GAK: variants seen among roughly 807,000 people sequenced by gnomAD.
GAK encodes the protein cyclin G associated kinase.
In GAK, 79 loss-of-function variants were observed where a neutral mutation model predicts 143.9. The observed-to-expected ratio is 0.55, with a 90% CI of 0.46 to 0.66. The LOEUF (loss-of-function observed/expected upper bound fraction) is 0.66. Among genes scored for constraint, GAK ranks in the 30% least tolerant of loss-of-function variants. The pLI, the probability that GAK is intolerant of heterozygous loss-of-function variation, is 0.00. For synonymous variants in GAK, 881 were observed against 765.5 expected, an observed-to-expected ratio of 1.15 and a Z score of -2.49; for missense variants, 1,693 against 1,779.7, an observed-to-expected ratio of 0.95 and a Z score of 0.88.
chr4:908,416 G>A (rs10005752), intron 4 of GAK, among the ~76,000 whole-genome samples: 84,388 of 152,012 alleles, frequency 0.56, 23,919 homozygotes, highest in South Asian at 0.67. Context: ...CGATCCCAGC[G>A]CCTCAGGAGG....
rs530448560 is a variant in GAK, at chr4:884,268, G to A, written c.1206-182C>T. ...AGCTTCCCGGCTGTGTGCGTGCTGT[G>A]GAGCTGACCCCTACATCAGAAACGG... On this transcript the variant is annotated intron_variant, in intron 11 of 27. Coordinates refer to ENST00000314167, the MANE Select transcript of GAK (RefSeq NM_005255.4). 6.0e-4 allele frequency: 349 copies of A among 581,858 alleles called. 1 individual carries two copies. The South Asian group carries it at 6.9e-3, about 12-fold the overall frequency. The allele number at this position is 581,858 out of a possible 1,614,324, so 36.0% of individuals were successfully genotyped here. A position where few individuals can be genotyped will look rare whatever the true frequency, so the allele number is the denominator to read the frequency against.
At chr4:860,433 G>A (rs986963477) in intron 23 of GAK, among the ~76,000 whole-genome samples, 3 of 151,736 alleles carry the variant, frequency 2.0e-5, no homozygotes, top group African/African-American at 4.8e-5. Flanking sequence ...AAGAGCCCTC[G>A]TGGATCTATT....
At chr4:896,404 A>G in intron 7 of GAK, 56 bp downstream of exon 7, 1 of 1,449,138 alleles carries the variant, frequency 6.9e-7, no homozygotes, top group East Asian at 2.3e-5. Context: ...ACGCCGCCTC[A>G]GGTTAAGTAG....
intron 7 of GAK, among the ~76,000 whole-genome samples, chr4:895,702 G>A (rs2152871867): frequency 6.6e-6 from 1 of 152,366 alleles, no homozygotes; most frequent in East Asian, 1.9e-4. Flanking sequence ...CCCTCCACGC[G>A]TGGTCACCCT....
chr4:892,395 C>T (rs1717844111), intron 9 of GAK, among the ~76,000 whole-genome samples: 1 of 152,210 alleles, frequency 6.6e-6, no homozygotes, highest in African/African-American at 2.4e-5. Context: ...CCTCCCTGCT[C>T]CCCGTGGGTG....
At chr4:911,997 G>A (rs1470570688) in intron 3 of GAK, 5 of 514,882 alleles carry the variant, frequency 9.7e-6, no homozygotes, top group East Asian at 4.4e-5. Flanking sequence ...AGGAGAGGGC[G>A]GGGACAAAGG....
Position 898,162 on chromosome 4 carries a change from TA to T in GAK, c.526-5del, listed in dbSNP as rs1413164220. ...TACTAAGCAACAAGTTCTCAACCTG[TA>T]AAATTCCACAAGACAGCCCCGTGAA... On this transcript the variant is annotated splice_region_variant and splice_polypyrimidine_tract_variant and intron_variant, in intron 5 of 27. Transcript: ENST00000314167. 3 of 1,613,700 alleles carry T rather than the reference TA, an allele frequency of 1.9e-6. No individual in the cohort carries two copies. The highest frequency in any genetic ancestry group is 1.7e-5 in the Admixed American group (1 of 59,974).
At chr4:861,371 C>A (rs995635175) in intron 23 of GAK, among the ~76,000 whole-genome samples, 1 of 152,194 alleles carries the variant, frequency 6.6e-6, no homozygotes, top group Non-Finnish European at 1.5e-5. Flanking sequence ...AAGGAGGGTG[C>A]TTGAGCCCAG....
chr4:882,941 T>C, intron 13 of GAK, 122 bp from the exon 14 acceptor site: 18 of 1,278,908 alleles, frequency 1.4e-5, no homozygotes, highest in Non-Finnish European at 1.9e-5. Flanking sequence ...TGAACAGGCG[T>C]CCACCTGCGC....
At chr4:876,712 G>T in intron 17 of GAK, 103 bp from the exon 18 acceptor site, 1 of 999,124 alleles carries the variant, frequency 1.0e-6, no homozygotes, top group Non-Finnish European at 1.6e-6. Context: ...GCGGCTCATG[G>T]TGCTGGAGGC....
intron 27 of GAK, 59 bp from the exon 28 acceptor site, chr4:849,833 G>GGGCCCCCCCCCCCCC: frequency 4.2e-6 from 5 of 1,190,136 alleles, no homozygotes; most frequent in Non-Finnish European, 4.6e-6. Flanking sequence ...GGCGGGGCAG[G>GGGCCCCCCCCCCCCC]ACCCCCCCCC....
intron 15 of GAK, among the ~76,000 whole-genome samples, chr4:881,219 C>A (rs1223259115): frequency 6.6e-6 from 1 of 152,200 alleles, no homozygotes; most frequent in African/African-American, 2.4e-5. Flanking sequence ...GGCCACGGGG[C>A]CGGCCTTTGC....
chr4:866,994 CT>C lies in GAK; in HGVS notation c.2833del (p.Ser945AlafsTer46). On this transcript the variant is annotated frameshift_variant, in exon 21 of 28. Coordinates refer to ENST00000314167, the MANE Select transcript of GAK (RefSeq NM_005255.4). LOFTEE classifies it high-confidence loss of function. ...LLLASPAPPL[S>X]VQSTPRGGPP... ...CCCTCCTCTTGGGGTGCTCTGCACG[CT>C]CAGGGGAGGGGCCGGGCTTGCCAGG... 1 of 1,499,046 alleles carries C rather than the reference CT, an allele frequency of 6.7e-7. No individual in the cohort carries two copies. The highest frequency in any genetic ancestry group is 8.9e-7 in the Non-Finnish European group (1 of 1,124,396). 92.9% of individuals were successfully genotyped at this position (1,499,046 alleles called of 1,614,324 possible).
At position 924,535 on chromosome 4, in the gene GAK, A is replaced by G. The variant is rs1378155899; in HGVS notation, c.145+7508T>C. On this transcript the variant is annotated intron_variant, in intron 1 of 27. Coordinates refer to ENST00000314167, the MANE Select transcript of GAK (RefSeq NM_005255.4). ...TCGGCACCTTTATTCATAACAGCGGATACGGTTTGGATCTTTATTCATAAC... is the reference window on the plus strand; with the variant it reads ...TCGGCACCTTTATTCATAACAGCGGGTACGGTTTGGATCTTTATTCATAAC... 2.6e-5 allele frequency among the ~76,000 whole-genome samples: 4 copies of G among 152,254 alleles called. No individual in the cohort carries two copies. The South Asian group carries it at 6.2e-4, about 24-fold the overall frequency.
chr4:909,653 C>T (rs1407807673), intron 4 of GAK, among the ~76,000 whole-genome samples: 1 of 152,116 alleles, frequency 6.6e-6, no homozygotes, highest in Non-Finnish European at 1.5e-5. Flanking sequence ...TTCTCTCAGG[C>T]TGTATAGAGT....
chr4:869,929 ACATG>A (rs1292705350), intron 19 of GAK: 5 of 150,834 alleles, frequency 3.3e-5, no homozygotes, highest in African/African-American at 9.8e-5. Context: ...TGCACAGTAC[ACATG>A]CATGCACACA....
chr4:877,491 CCA>C, intron 16 of GAK, 122 bp downstream of exon 16: 2 of 1,019,090 alleles, frequency 2.0e-6, no homozygotes, highest in Non-Finnish European at 2.8e-6. Flanking sequence ...GCCACAGACG[CCA>C]CAGTTCCAAA....
intron 18 of GAK, among the ~76,000 whole-genome samples, chr4:875,208 C>A (rs1295632006): frequency 6.6e-6 from 1 of 152,180 alleles, no homozygotes; most frequent in Admixed American, 6.5e-5. Flanking sequence ...TTAAGCACCG[C>A]CTCCACCGTG....
chr4:876,435 C>T, intron 18 of GAK, 95 bp downstream of exon 18: 1 of 1,073,266 alleles, frequency 9.3e-7, no homozygotes. Flanking sequence ...CACAGCCCGC[C>T]ACTCCCCCTG....
Sources: gnomAD v4.1 joint callset for allele counts (sites outside exome capture counted in the v4.1 genomes callset) on GRCh38, gnomAD v4.1.1 for gene constraint, MANE v1.5 for transcripts, NCBI Gene and HGNC (gene_info 2026-07-23, HGNC 2026-07-21) for gene names.